MCC: variants seen among roughly 807,000 people sequenced by gnomAD.
The protein encoded by MCC is colorectal mutant cancer protein.
In MCC, 90 loss-of-function variants were observed where a neutral mutation model predicts 116.2. The observed-to-expected ratio is 0.77, with a 90% confidence interval of 0.65 to 0.92. The LOEUF is 0.92. Among genes scored for constraint, MCC ranks in the 40% least tolerant of loss-of-function variants. The probability of loss-of-function intolerance (pLI) is 0.00; values close to 1 mark genes in which losing one functional copy is unlikely to be tolerated. For synonymous variants in MCC, 578 were observed against 510.5 expected (o/e 1.13, Z -1.78); for missense variants, 1,516 against 1,312.2 (o/e 1.16, Z -2.40).
In MCC at chr5:113,043,518, A is replaced by G; in HGVS notation, c.2756+12T>C. 6.2e-7 allele frequency: 1 copy of G among 1,611,986 alleles called. No individual in the cohort carries two copies. Among genetic ancestry groups the G allele is most frequent in the Non-Finnish European group, 8.5e-7 (1 of 1,178,504 alleles). ...GGATAAACACCAGCTGGGGTGGGGA[A>G]AGGGTGCTTACCGACGAATGGCGTT... On this transcript the variant is annotated intron_variant, in intron 17 of 18. Coordinates refer to ENST00000408903, the MANE Select transcript of MCC (RefSeq NM_001085377.2).
chr5:113,252,251 A>G (rs1308393149), intron 3 of MCC, among the ~76,000 whole-genome samples: 1 of 152,070 alleles, frequency 6.6e-6, no homozygotes, highest in Non-Finnish European at 1.5e-5. Flanking sequence ...CCCCGGGCCC[A>G]CAGATCTGGT....
At chr5:113,187,464 G>T (rs900190615) in intron 3 of MCC, among the ~76,000 whole-genome samples, 1 of 152,134 alleles carries the variant, frequency 6.6e-6, no homozygotes, top group Admixed American at 6.5e-5. Flanking sequence ...TCACTGGGTT[G>T]TTCTGAGGAT....
chr5:113,142,696 T>C (rs560361894), intron 5 of MCC, among the ~76,000 whole-genome samples: 3 of 152,200 alleles, frequency 2.0e-5, no homozygotes, highest in Admixed American at 6.5e-5. Flanking sequence ...TCCATGTTGG[T>C]AGAGCAATTT....
chr5:113,274,882 G>A (rs755385813), intron 3 of MCC, among the ~76,000 whole-genome samples: 8 of 152,132 alleles, frequency 5.3e-5, no homozygotes, highest in South Asian at 4.1e-4. Flanking sequence ...TATACCTTAT[G>A]CTTGAGAAAA....
chr5:113,443,339 A>G (rs965158258), intron 1 of MCC, among the ~76,000 whole-genome samples: 7 of 152,238 alleles, frequency 4.6e-5, no homozygotes, highest in African/African-American at 1.4e-4. Flanking sequence ...ATTTTTGTAC[A>G]CTGATTTTCT....
intron 8 of MCC, among the ~76,000 whole-genome samples, chr5:113,099,892 G>A (rs1756287565): frequency 6.6e-6 from 1 of 152,232 alleles, no homozygotes; most frequent in African/African-American, 2.4e-5. Context: ...CACAAAACAT[G>A]CACCATCAGA....
intron 3 of MCC, among the ~76,000 whole-genome samples, chr5:113,179,390 C>T (rs565890694): frequency 6.6e-6 from 1 of 152,310 alleles, no homozygotes; most frequent in East Asian, 1.9e-4. Flanking sequence ...GGCAAGTACA[C>T]TGGCTGTTAG....
chr5:113,094,641 C>T (rs1035277204), intron 8 of MCC, among the ~76,000 whole-genome samples: 4 of 151,992 alleles, frequency 2.6e-5, no homozygotes, highest in African/African-American at 7.2e-5. Context: ...AGGCTGGTCT[C>T]GAACTCCTGA....
intron 2 of MCC, among the ~76,000 whole-genome samples, chr5:113,342,285 G>A (rs886985660): frequency 6.6e-6 from 1 of 152,204 alleles, no homozygotes; most frequent in Non-Finnish European, 1.5e-5. Flanking sequence ...ATAGCGAATT[G>A]TGCTGGTATA....
intron 1 of MCC, among the ~76,000 whole-genome samples, chr5:113,472,957 A>G (rs1344617455): frequency 1.3e-5 from 2 of 152,234 alleles, no homozygotes; most frequent in Non-Finnish European, 2.9e-5. Flanking sequence ...TTTAGCATCT[A>G]ATCAACGCAT....
At chr5:113,480,874 A>G (rs1184857303) in intron 1 of MCC, among the ~76,000 whole-genome samples, 3 of 152,154 alleles carry the variant, frequency 2.0e-5, no homozygotes, top group Non-Finnish European at 2.9e-5. Flanking sequence ...TCCCAGGCTC[A>G]ACTGATCCTC....
chr5:113,060,341 A>G (rs4235786), intron 14 of MCC, among the ~76,000 whole-genome samples: 136,396 of 152,106 alleles, frequency 0.9, 61,434 homozygotes, highest in East Asian at 1. Flanking sequence ...TTTTAATAGC[A>G]ACAGGATTTC....
chr5:113,082,770 T>C, intron 11 of MCC, 90 bp downstream of exon 11: 1 of 1,504,628 alleles, frequency 6.6e-7, no homozygotes, highest in Non-Finnish European at 9.0e-7. Flanking sequence ...TCACAATACA[T>C]AAGCCACCTT....
At chr5:113,073,247 G>A (rs4705539) in intron 11 of MCC, among the ~76,000 whole-genome samples, 74,654 of 152,004 alleles carry the variant, frequency 0.49, 22,070 homozygotes, top group East Asian at 0.67. Flanking sequence ...TCTTATTCAA[G>A]TGCAACCCAG....
chr5:113,349,774 A>G (rs1293283714), intron 2 of MCC, among the ~76,000 whole-genome samples: 1 of 152,090 alleles, frequency 6.6e-6, no homozygotes, highest in African/African-American at 2.4e-5. Flanking sequence ...ATAGGATATT[A>G]TCTTATATTT....
intron 6 of MCC, among the ~76,000 whole-genome samples, chr5:113,122,109 G>A (rs1355734941): frequency 6.6e-6 from 1 of 152,128 alleles, no homozygotes; most frequent in Non-Finnish European, 1.5e-5. Flanking sequence ...AGACCCAACA[G>A]TAGGTCACAC....
chr5:113,143,707 G>T (rs1759326847), intron 4 of MCC, among the ~76,000 whole-genome samples: 1 of 152,156 alleles, frequency 6.6e-6, no homozygotes, highest in African/African-American at 2.4e-5. Flanking sequence ...GATACCTTCT[G>T]CAGGGGATTT....
chr5:113,032,436 C>CTGATTACA (rs1032801266), intron 17 of MCC, among the ~76,000 whole-genome samples: 1 of 146,322 alleles, frequency 6.8e-6, no homozygotes, highest in Non-Finnish European at 1.5e-5. Flanking sequence ...AAAAAGGATA[C>CTGATTACA]TGATTACATG....
At chr5:113,052,936 A>C (rs1397506338) in intron 15 of MCC, among the ~76,000 whole-genome samples, 1 of 152,192 alleles carries the variant, frequency 6.6e-6, no homozygotes, top group Non-Finnish European at 1.5e-5. Context: ...AGAAACTCCA[A>C]GGGTTTCTCA....
Sources: allele counts gnomAD v4.1 joint callset (sites outside exome capture counted in the v4.1 genomes callset), GRCh38; gene constraint gnomAD v4.1.1; transcripts MANE v1.5; gene names NCBI Gene and HGNC (gene_info 2026-07-23, HGNC 2026-07-21).